The following EEPD1 variants were observed in gnomAD, a reference collection of about 807,000 sequenced individuals.
The protein encoded by EEPD1 is endonuclease/exonuclease/phosphatase family domain-containing protein 1.
A neutral mutation model predicts 46.3 loss-of-function variants in EEPD1; 17 were observed. The observed-to-expected ratio is 0.37, with a 90% CI of 0.25 to 0.55. The LOEUF (loss-of-function observed/expected upper bound fraction) is 0.55, where lower values mean the gene tolerates loss of function less well. Ranked by LOEUF, EEPD1 falls within the 20% of genes least tolerant of loss-of-function variation. The pLI, the probability that EEPD1 is intolerant of heterozygous loss-of-function variation, is 0.83. For missense variants in EEPD1, 673 were observed against 745.6 expected, an observed-to-expected ratio of 0.90 and a Z score of 1.13; for synonymous variants, 313 against 315.6, an observed-to-expected ratio of 0.99 and a Z score of 0.09.
intron 2 of EEPD1, among the ~76,000 whole-genome samples, chr7:36,164,678 C>T (rs1486726365): frequency 2.6e-5 from 4 of 152,156 alleles, no homozygotes; most frequent in Non-Finnish European, 5.9e-5. Context: ...AAGTCAATCT[C>T]TGGAGAAGAC....
At chr7:36,230,535 T>C (rs985363864) in intron 2 of EEPD1, among the ~76,000 whole-genome samples, 12 of 152,162 alleles carry the variant, frequency 7.9e-5, no homozygotes, top group South Asian at 4.1e-4. Context: ...CTCTGTCCCC[T>C]TGTTCCTTTG....
At chr7:36,164,802 C>G (rs1467079342) in intron 2 of EEPD1, among the ~76,000 whole-genome samples, 1 of 152,048 alleles carries the variant, frequency 6.6e-6, no homozygotes, top group African/African-American at 2.4e-5. Flanking sequence ...GATCCTGATC[C>G]CATGTAAGCC....
intron 2 of EEPD1, among the ~76,000 whole-genome samples, chr7:36,171,286 G>A (rs1038903537): frequency 7.1e-6 from 1 of 141,418 alleles, no homozygotes; most frequent in African/African-American, 2.6e-5. Flanking sequence ...AGATTTTCAA[G>A]GTATACTCTG....
intron 2 of EEPD1, among the ~76,000 whole-genome samples, chr7:36,165,468 G>A (rs1784968041): frequency 8.3e-6 from 1 of 121,198 alleles, no homozygotes; most frequent in Admixed American, 1.1e-4. Flanking sequence ...CACCCAGGCT[G>A]GAGTGCAATG....
intron 2 of EEPD1, among the ~76,000 whole-genome samples, chr7:36,167,189 A>G (rs1178839954): frequency 6.6e-6 from 1 of 152,192 alleles, no homozygotes; most frequent in Non-Finnish European, 1.5e-5. Flanking sequence ...CTCCAAATAC[A>G]GTCACATTCT....
At chr7:36,173,377 T>C (rs1785124335) in intron 2 of EEPD1, among the ~76,000 whole-genome samples, 2 of 144,432 alleles carry the variant, frequency 1.4e-5, no homozygotes, top group Admixed American at 1.4e-4. Context: ...TGTGCACCTA[T>C]AATCCCAGCT....
intron 3 of EEPD1, among the ~76,000 whole-genome samples, chr7:36,278,302 T>C (rs1221737899): frequency 6.6e-6 from 1 of 152,054 alleles, no homozygotes; most frequent in Non-Finnish European, 1.5e-5. Flanking sequence ...AGGGTGGGGT[T>C]TGGGTATGAA....
chr7:36,278,136 A>G (rs1186025634), intron 3 of EEPD1, among the ~76,000 whole-genome samples: 1 of 152,142 alleles, frequency 6.6e-6, no homozygotes, highest in Non-Finnish European at 1.5e-5. Context: ...TGCATTTTGA[A>G]CACATTCCCA....
chr7:36,218,371 A>G (rs1786069681), intron 2 of EEPD1, among the ~76,000 whole-genome samples: 1 of 146,990 alleles, frequency 6.8e-6, no homozygotes, highest in Non-Finnish European at 1.5e-5. Context: ...AAATTCTAAT[A>G]GGAGGGGGAG....
chr7:36,192,612 C>T (rs538127074), intron 2 of EEPD1, among the ~76,000 whole-genome samples: 65 of 152,258 alleles, frequency 4.3e-4, no homozygotes, highest in Middle Eastern at 6.8e-3. Context: ...TAACTCAAGT[C>T]GCAGAAATTT....
In EEPD1 at chr7:36,155,053, C is replaced by T. The variant is rs1296385779; in HGVS notation, c.729C>T (p.Ser243=). The T allele has an allele frequency of 6.3e-7, 1 of 1,599,028 alleles. No individual in the cohort carries two copies. Among genetic ancestry groups the T allele is most frequent in the Admixed American group, 1.7e-5 (1 of 58,912 alleles). ...LPPGGPTQII[S]TRPSVEAFGG... is the part of the protein sequence containing the mutation. ...CAGGGGGGCCCACCCAGATTATCTC[C>T]ACTCGGCCGTCCGTGGAGGCCTTTG... Residue 243 remains serine (S), a synonymous_variant, in exon 2 of 8, where the codon TCC becomes TCT. Coordinates refer to ENST00000242108, the MANE Select transcript of EEPD1 (RefSeq NM_030636.3).
At chr7:36,183,351 C>A (rs1303279017) in intron 2 of EEPD1, among the ~76,000 whole-genome samples, 1 of 152,174 alleles carries the variant, frequency 6.6e-6, no homozygotes, top group Non-Finnish European at 1.5e-5. Context: ...TCTGCTGAAA[C>A]GTGGTCACGT....
At chr7:36,184,539 G>A (rs1213604542) in intron 2 of EEPD1, among the ~76,000 whole-genome samples, 1 of 152,132 alleles carries the variant, frequency 6.6e-6, no homozygotes, top group Non-Finnish European at 1.5e-5. Context: ...GTAAGGTCTG[G>A]AGCAACCAAT....
chr7:36,223,500 G>A lies in EEPD1; in HGVS notation c.879-15485G>A, dbSNP rs78825540. Among the ~76,000 whole-genome samples the A allele has an allele frequency of 1.6e-4, 24 of 152,184 alleles. No individual in the cohort carries two copies. The East Asian group carries it at 4.1e-3, about 26-fold the overall frequency. The stretch of plus-strand genomic sequence containing the variant: ...CACCCCTCATTAGAACGTAAGCTTC[G>A]TCAGAGTCAAGATTCTGTTTTGTTC... On this transcript the variant is annotated intron_variant, in intron 2 of 7. Transcript: ENST00000242108.
chr7:36,254,360 C>T (rs557901399), intron 3 of EEPD1, among the ~76,000 whole-genome samples: 8 of 152,270 alleles, frequency 5.3e-5, no homozygotes, highest in South Asian at 2.1e-4. Flanking sequence ...CTCCCACTTA[C>T]GAGTGAAAAC....
chr7:36,174,362 C>T (rs372913849), intron 2 of EEPD1, among the ~76,000 whole-genome samples: 1 of 152,158 alleles, frequency 6.6e-6, no homozygotes, highest in Admixed American at 6.5e-5. Context: ...GGCAAGGAAG[C>T]CTTTCATTAA....
chr7:36,226,385 G>A (rs549060357), intron 2 of EEPD1, among the ~76,000 whole-genome samples: 16 of 152,208 alleles, frequency 1.1e-4, no homozygotes, highest in Non-Finnish European at 1.9e-4. Flanking sequence ...AGAAGCGGGC[G>A]TCAGTCTCTT....
intron 3 of EEPD1, among the ~76,000 whole-genome samples, chr7:36,268,693 T>A (rs1441367335): frequency 6.6e-6 from 1 of 152,164 alleles, no homozygotes; most frequent in African/African-American, 2.4e-5. Context: ...GGGATCTGTC[T>A]CTCTGTAGTC....
At chr7:36,271,480 G>T (rs1336732961) in intron 3 of EEPD1, among the ~76,000 whole-genome samples, 1 of 151,946 alleles carries the variant, frequency 6.6e-6, no homozygotes, top group African/African-American at 2.4e-5. Flanking sequence ...TTTTAAATTT[G>T]TTTAAGTTCC....
Sources: gnomAD v4.1 joint callset for allele counts (sites outside exome capture counted in the v4.1 genomes callset) on GRCh38, gnomAD v4.1.1 for gene constraint, MANE v1.5 for transcripts, NCBI Gene and HGNC (gene_info 2026-07-23, HGNC 2026-07-21) for gene names.